The following NSUN4 variants were observed in gnomAD, a reference collection of about 807,000 sequenced individuals.
The protein encoded by NSUN4 is 5-cytosine rRNA methyltransferase NSUN4.
A neutral mutation model predicts 43.8 loss-of-function variants in NSUN4; 31 were observed. The observed-to-expected ratio is 0.71, with a 90% CI of 0.53 to 0.96. NSUN4 has a LOEUF of 0.96. NSUN4 is among the 40% of genes least tolerant of loss of function. The pLI is 0.00. For missense variants in NSUN4, 439 were observed against 475.6 expected (o/e 0.92, Z 0.72); for synonymous variants, 167 against 184.1 (o/e 0.91, Z 0.75).
At chr1:46,368,197 C>G (rs188366995), downstream of NSUN4, among the ~76,000 whole-genome samples, 79 of 152,280 alleles carry the variant, frequency 5.2e-4, no homozygotes, top group African/African-American at 1.8e-3. Context: ...TTACTCCAAT[C>G]AGCCCTAAAT....
At chr1:46,355,279 T>C (rs1663283491) in intron 4 of NSUN4, among the ~76,000 whole-genome samples, 1 of 152,144 alleles carries the variant, frequency 6.6e-6, no homozygotes, top group South Asian at 2.1e-4. Context: ...GGGTGCACAC[T>C]GAGATTCTGT....
At position 46,360,775 on chromosome 1, in the gene NSUN4, G is replaced by A. The variant is rs767237606; in HGVS notation, c.825G>A (p.Arg275=). 6.2e-7 allele frequency: 1 copy of A among 1,614,054 alleles called. No homozygotes were observed. Among genetic ancestry groups the A allele is most frequent in the Non-Finnish European group, 8.5e-7 (1 of 1,179,930 alleles). ...LHEEENNIFK[R]SRKKERQILP... ...AGGAGGAGAACAACATCTTTAAGCG[G>A]TCAAGGAAGAAGGAGCGACAGATAT... Residue 275 remains arginine, a synonymous_variant, in exon 5 of 6, where the codon CGG becomes CGA. Coordinates refer to ENST00000474844, the MANE Select transcript of NSUN4 (RefSeq NM_199044.4).
rs200157732 is a variant in NSUN4 at position 46,345,699 on chromosome 1, AAGG to A, written c.437+558_437+560del. Among the ~76,000 whole-genome samples, 1,212 of 152,328 alleles carry A rather than the reference AAGG, an allele frequency of 8.0e-3. 55 individuals carry two copies. The highest frequency in any genetic ancestry group is 0.075 in the Admixed American group (1,153 of 15,292). ...ACTTGGTATTAGACTGGGAAAAAGA[AAGG>A]AGAAGTTCAGTTTCTTGATTCAATC... On this transcript the variant is annotated intron_variant, in intron 2 of 5. Transcript: ENST00000474844.
downstream of NSUN4, among the ~76,000 whole-genome samples, chr1:46,369,494 G>C (rs187333310): frequency 5.3e-5 from 8 of 152,298 alleles, no homozygotes; most frequent in East Asian, 1.5e-3. Flanking sequence ...ATTACAATTA[G>C]TTATAAGTAA....
In NSUN4 at chr1:46,363,382, C is replaced by T. The variant is rs1663998515; in HGVS notation, c.*1536C>T. ...AGTATTCGCTGAGGCTAAGAGGCCT[C>T]AGGTGCCTGGGCTTCTGCCCTTGGA... is the stretch of plus-strand genomic sequence containing the variant. On this transcript the variant is annotated 3_prime_UTR_variant, in exon 6 of 6. Transcript: ENST00000474844. 2.0e-5 allele frequency: 3 copies of T among 152,210 alleles called. No individual in the cohort carries two copies. Among genetic ancestry groups the T allele is most frequent in the Admixed American group, 2.0e-4 (3 of 15,276 alleles). The allele number at this position is 152,210 out of a possible 1,614,324, so 9.4% of individuals were successfully genotyped here.
In NSUN4 at chr1:46,341,774, G is replaced by A. The variant is rs1279810801; in HGVS notation, c.93+855G>A. On this transcript the variant is annotated intron_variant, in intron 1 of 5. Coordinates refer to ENST00000474844, the MANE Select transcript of NSUN4 (RefSeq NM_199044.4). ...CACTCTCCAGCCCTTATTTTGAGCA[G>A]TTCAGCATTCCGGGGTCACCCCCTC... is the stretch of plus-strand genomic sequence containing the variant. The A allele has an allele frequency of 3.2e-6, 4 of 1,232,064 alleles. No homozygotes were observed. In the East Asian group the frequency reaches 9.5e-5, roughly 29 times the overall value. The allele number at this position is 1,232,064 out of a possible 1,614,324, so 76.3% of individuals were successfully genotyped here. A position where few individuals can be genotyped will look rare whatever the true frequency, so the allele number is the denominator to read the frequency against.
the NSUN4 span, among the ~76,000 whole-genome samples, chr1:46,377,684 G>C: frequency 6.6e-6 from 1 of 152,192 alleles, no homozygotes; most frequent in South Asian, 2.1e-4. Flanking sequence ...CTGTGGATCA[G>C]TTTTAGTCAC....
the NSUN4 span, among the ~76,000 whole-genome samples, chr1:46,379,531 C>T: frequency 1.3e-5 from 2 of 152,140 alleles, no homozygotes; most frequent in Non-Finnish European, 2.9e-5. Flanking sequence ...AGGAGAATCG[C>T]TTGAACTTGG....
Position 46,361,885 on chromosome 1 carries a change from C to G in NSUN4, c.*39C>G, listed in dbSNP as rs755427334. 2 of 1,569,448 alleles carry G rather than the reference C, an allele frequency of 1.3e-6. No homozygotes were observed. The highest frequency in any genetic ancestry group is 1.2e-5 in the South Asian group (1 of 85,318). On this transcript the variant is annotated 3_prime_UTR_variant, in exon 6 of 6. Coordinates refer to ENST00000474844, the MANE Select transcript of NSUN4 (RefSeq NM_199044.4). ...CTGAAGCAAGAATACAAAGGGTATA[C>G]TCTGTTGGATGCACCAGAAACTGGA...
chr1:46,383,848 C>T, the NSUN4 span, among the ~76,000 whole-genome samples: 33,155 of 151,904 alleles, frequency 0.22, 4,159 homozygotes, highest in Non-Finnish European at 0.29. Context: ...AGGCAATTTA[C>T]CTCTATAGAA....
rs113739810 is a variant in NSUN4, at chr1:46,356,614, C to A, written c.753+3586C>A. On this transcript the variant is annotated intron_variant, in intron 4 of 5. Transcript: ENST00000474844. ...GGCTGAGGCAGGAGAATGGCGTAAA[C>A]CCTGTGGGGCAGAGCCTGCAGTGAG... Among the ~76,000 whole-genome samples, 952 of 152,126 alleles carry A rather than the reference C, an allele frequency of 6.3e-3. 13 individuals carry two copies. The highest frequency in any genetic ancestry group is 0.022 in the African/African-American group (899 of 41,506).
At chr1:46,356,828 A>C (rs1398107069) in intron 4 of NSUN4, among the ~76,000 whole-genome samples, 1 of 152,176 alleles carries the variant, frequency 6.6e-6, no homozygotes, top group Non-Finnish European at 1.5e-5. Flanking sequence ...TGTTCATGGA[A>C]GACACTAACC....
At chr1:46,354,982 C>A (rs1430456055) in intron 4 of NSUN4, among the ~76,000 whole-genome samples, 1 of 152,076 alleles carries the variant, frequency 6.6e-6, no homozygotes, top group Non-Finnish European at 1.5e-5. Context: ...ATTCATTTTT[C>A]TTGATATGAG....
At position 46,362,050 on chromosome 1, in the gene NSUN4, T is replaced by G; in HGVS notation, c.*204T>G. 1.7e-6 allele frequency: 1 copy of G among 603,396 alleles called. No homozygotes were observed. The highest frequency in any genetic ancestry group is 2.8e-5 in the East Asian group (1 of 35,552). The allele number at this position is 603,396 out of a possible 1,614,324, so 37.4% of individuals were successfully genotyped here. A position where few individuals can be genotyped will look rare whatever the true frequency, so the allele number is the denominator to read the frequency against. On this transcript the variant is annotated 3_prime_UTR_variant, in exon 6 of 6. Coordinates refer to ENST00000474844, the MANE Select transcript of NSUN4 (RefSeq NM_199044.4). ...GAGCATCAGCAGGTTTCCAACTCAC[T>G]CATTAACCCCTACCCCATCTCCAGG... is the stretch of plus-strand genomic sequence containing the variant.
In NSUN4 at chr1:46,360,735, G is replaced by T. The variant is rs201711075; in HGVS notation, c.785G>T (p.Arg262Leu). Residue 262 changes from arginine (R) to leucine (L), a missense_variant, in exon 5 of 6, where the codon CGC becomes CTC. Arg to Leu is a moderately radical substitution (Grantham distance 102). Coordinates refer to ENST00000474844, the MANE Select transcript of NSUN4 (RefSeq NM_199044.4). ...VLVDVPCTTD[R>L]HSLHEEENNI... ...GTGGATGTGCCCTGTACCACAGACC[G>T]CCACTCCCTTCATGAGGAGGAGAAC... 14 of 1,613,852 alleles carry T rather than the reference G, an allele frequency of 8.7e-6. No homozygotes were observed. Among genetic ancestry groups the T allele is most frequent in the Non-Finnish European group, 1.2e-5 (14 of 1,179,810 alleles).
chr1:46,373,122 A>G, the NSUN4 span, among the ~76,000 whole-genome samples: 1 of 152,178 alleles, frequency 6.6e-6, no homozygotes, highest in African/African-American at 2.4e-5. Flanking sequence ...CCATATTTCT[A>G]TCAGCATTCT....
downstream of NSUN4, among the ~76,000 whole-genome samples, chr1:46,369,200 C>T (rs1027292109): frequency 2.6e-5 from 4 of 152,210 alleles, no homozygotes; most frequent in Non-Finnish European, 4.4e-5. Flanking sequence ...CTCTATAATA[C>T]AATGAATATA....
downstream of NSUN4, among the ~76,000 whole-genome samples, chr1:46,369,067 T>G (rs1021459474): frequency 8.5e-5 from 13 of 152,214 alleles, no homozygotes; most frequent in African/African-American, 2.9e-4. Context: ...CAGGACAAAT[T>G]GTCTCCTCTG....
intron 4 of NSUN4, among the ~76,000 whole-genome samples, chr1:46,358,651 C>T (rs1049498440): frequency 2.6e-5 from 4 of 152,012 alleles, no homozygotes; most frequent in African/African-American, 9.7e-5. Context: ...CTGCCTGCCT[C>T]GGCCTCCCAA....
Sources: allele counts gnomAD v4.1 joint callset (sites outside exome capture counted in the v4.1 genomes callset), GRCh38; gene constraint gnomAD v4.1.1; transcripts MANE v1.5; gene names NCBI Gene and HGNC (gene_info 2026-07-23, HGNC 2026-07-21).